The following BLTP1 variants were observed in gnomAD, a reference collection of about 807,000 sequenced individuals.
BLTP1 encodes the protein bridge-like lipid transfer protein family member 1, also known as fragile site-associated protein.
the BLTP1 span, among the ~76,000 whole-genome samples, chr4:122,216,057 G>T: frequency 1.3e-5 from 2 of 150,864 alleles, no homozygotes; most frequent in African/African-American, 4.9e-5. Flanking sequence ...GTATATATAT[G>T]TGTGTGTGTG....
At chr4:122,337,107 A>C in the BLTP1 span, 3 of 1,264,704 alleles carry the variant, frequency 2.4e-6, no homozygotes, top group Non-Finnish European at 3.4e-6. Context: ...TTACTGTTTA[A>C]AAGTTTTCTT....
chr4:122,345,393 A>G, the BLTP1 span, among the ~76,000 whole-genome samples: 1 of 151,932 alleles, frequency 6.6e-6, no homozygotes, highest in African/African-American at 2.4e-5. Context: ...TCTTGGAGGT[A>G]GCAACATGGT....
At chr4:122,356,770 C>T in the BLTP1 span, 1 of 1,602,634 alleles carries the variant, frequency 6.2e-7, no homozygotes. Flanking sequence ...GTGGAATACT[C>T]TTTTTCTTTT....
the BLTP1 span, among the ~76,000 whole-genome samples, chr4:122,323,201 G>C: frequency 6.6e-6 from 1 of 151,618 alleles, no homozygotes; most frequent in South Asian, 2.1e-4. Flanking sequence ...GTAACTCACT[G>C]TATTTACTGG....
chr4:122,207,573 A>T, the BLTP1 span: 1 of 1,605,868 alleles, frequency 6.2e-7, no homozygotes, highest in Non-Finnish European at 8.5e-7. Context: ...AACACTAAAC[A>T]TTGATTTTTC....
the BLTP1 span, chr4:122,171,998 A>G: frequency 2.3e-6 from 2 of 870,612 alleles, no homozygotes; most frequent in Non-Finnish European, 2.8e-6. Context: ...ACAGTGATTT[A>G]TAGTAAAAAT....
At chr4:122,161,088 G>C in the BLTP1 span, 5 of 959,752 alleles carry the variant, frequency 5.2e-6, no homozygotes, top group Non-Finnish European at 6.2e-6. Flanking sequence ...GTGATGAAGA[G>C]AGTGTATGTT....
the BLTP1 span, chr4:122,256,742 ATACAGTTAAC>A: frequency 3.8e-6 from 1 of 266,578 alleles, no homozygotes; most frequent in Non-Finnish European, 5.8e-6. Flanking sequence ...ATTACTGATA[ATACAGTTAAC>A]TTTCAAGGCA....
the BLTP1 span, among the ~76,000 whole-genome samples, chr4:122,157,202 T>G: frequency 6.6e-6 from 1 of 152,210 alleles, no homozygotes; most frequent in Non-Finnish European, 1.5e-5. Context: ...ATCCCAGAAC[T>G]TAGGGGTTTA....
At chr4:122,254,925 T>C in the BLTP1 span, 18 of 1,612,606 alleles carry the variant, frequency 1.1e-5, no homozygotes, top group Non-Finnish European at 1.5e-5. Context: ...TTTGTGCTGT[T>C]ATGGGATGCA....
the BLTP1 span, among the ~76,000 whole-genome samples, chr4:122,286,989 T>C: frequency 1.3e-5 from 2 of 152,180 alleles, 1 homozygote; most frequent in South Asian, 4.1e-4. Flanking sequence ...CCTGTAGTTT[T>C]ATTTACACAT....
chr4:122,344,993 C>A, the BLTP1 span: 2 of 984,578 alleles, frequency 2.0e-6, no homozygotes, highest in East Asian at 2.3e-4. Flanking sequence ...TAACTATGGG[C>A]AAGTCATTTC....
chr4:122,332,062 T>G, the BLTP1 span, among the ~76,000 whole-genome samples: 1 of 151,974 alleles, frequency 6.6e-6, no homozygotes, highest in Non-Finnish European at 1.5e-5. Context: ...TTAAATTTTG[T>G]TTTCCTTTTC....
At chr4:122,245,227 A>T in the BLTP1 span, 1 of 1,179,448 alleles carries the variant, frequency 8.5e-7, no homozygotes, top group Non-Finnish European at 1.2e-6. Context: ...TTTCTTTACA[A>T]GTTAAATCAG....
the BLTP1 span, chr4:122,331,368 T>TCAG: frequency 6.2e-7 from 1 of 1,611,758 alleles, no homozygotes; most frequent in Non-Finnish European, 8.5e-7. Flanking sequence ...CTGCTGTTCA[T>TCAG]CAGCTATTTA....
At chr4:122,258,365 A>C in the BLTP1 span, among the ~76,000 whole-genome samples, 3 of 151,760 alleles carry the variant, frequency 2.0e-5, no homozygotes, top group Admixed American at 2.0e-4. Flanking sequence ...GAAAATTTCA[A>C]ATCTACACAA....
the BLTP1 span, chr4:122,223,199 T>G: frequency 1.0e-6 from 1 of 956,710 alleles, no homozygotes; most frequent in Non-Finnish European, 1.2e-6. Flanking sequence ...ACAATTTGAA[T>G]TTTTTTAAAA....
the BLTP1 span, chr4:122,343,362 C>T: frequency 6.2e-7 from 1 of 1,603,466 alleles, no homozygotes; most frequent in Non-Finnish European, 8.5e-7. Context: ...TATTGACTGG[C>T]CTTTTTTTCT....
chr4:122,165,925 T>C, the BLTP1 span, among the ~76,000 whole-genome samples: 10 of 151,288 alleles, frequency 6.6e-5, no homozygotes, highest in African/African-American at 2.4e-4. Context: ...GGGTTGTTTG[T>C]TTTTTTCTTG....
Sources: gnomAD v4.1 joint callset for allele counts (sites outside exome capture counted in the v4.1 genomes callset) on GRCh38, gnomAD v4.1.1 for gene constraint, MANE v1.5 for transcripts, NCBI Gene and HGNC (gene_info 2026-07-23, HGNC 2026-07-21) for gene names.